The following GRID2 variants were observed in gnomAD, a reference collection of about 807,000 sequenced individuals.
The protein encoded by GRID2 is glutamate receptor ionotropic, delta-2.
GRID2 carries 33 observed loss-of-function variants against 114.8 expected under a neutral mutation model. The observed-to-expected ratio is 0.29, with a 90% confidence interval of 0.22 to 0.38. GRID2 has a LOEUF of 0.38. Among genes scored for constraint, GRID2 ranks in the 10% least tolerant of loss-of-function variants. The pLI, the probability that GRID2 is intolerant of heterozygous loss-of-function variation, is 1.00. For synonymous variants in GRID2, 505 were observed against 449.9 expected, an observed-to-expected ratio of 1.12 and a Z score of -1.55; for missense variants, 1,184 against 1,257.7, an observed-to-expected ratio of 0.94 and a Z score of 0.89.
intron 2 of GRID2, among the ~76,000 whole-genome samples, chr4:92,700,534 GTTAAT>G (rs1258322384): frequency 6.6e-6 from 1 of 152,028 alleles, no homozygotes; most frequent in African/African-American, 2.4e-5. Context: ...TAGTTTTTCC[GTTAAT>G]TTATTTCCAC....
chr4:93,786,792 G>C (rs1345173379), intron 1 of GRID2, among the ~76,000 whole-genome samples: 14 of 152,206 alleles, frequency 9.2e-5, no homozygotes, highest in Non-Finnish European at 1.9e-4. Context: ...ATTTTGGCCT[G>C]ATCTGTACAG....
chr4:93,526,829 A>G (rs925163992), intron 13 of GRID2, among the ~76,000 whole-genome samples: 2 of 152,200 alleles, frequency 1.3e-5, no homozygotes, highest in African/African-American at 2.4e-5. Context: ...AAATAAATAT[A>G]AAAATAAAAT....
intron 2 of GRID2, among the ~76,000 whole-genome samples, chr4:92,724,654 T>C (rs1257209042): frequency 6.6e-6 from 1 of 152,158 alleles, no homozygotes; most frequent in East Asian, 1.9e-4. Flanking sequence ...TCTACCACTA[T>C]TAACTGTAAC....
At chr4:92,409,249 TAAC>T (rs2110296951) in intron 1 of GRID2, among the ~76,000 whole-genome samples, 1 of 152,256 alleles carries the variant, frequency 6.6e-6, no homozygotes, top group South Asian at 2.1e-4. Context: ...AAGTGTGTCA[TAAC>T]AACAGAGGCA....
At chr4:93,419,205 C>T (rs2149363161) in intron 9 of GRID2, among the ~76,000 whole-genome samples, 1 of 151,336 alleles carries the variant, frequency 6.6e-6, no homozygotes, top group East Asian at 1.9e-4. Flanking sequence ...ACATGCCCCA[C>T]TAATAGGGTA....
chr4:93,428,904 C>T (rs570622085), intron 10 of GRID2, among the ~76,000 whole-genome samples: 2 of 152,104 alleles, frequency 1.3e-5, no homozygotes, highest in African/African-American at 4.8e-5. Context: ...ATCACAAAGG[C>T]GCTAGAAGGA....
chr4:92,731,091 G>A (rs1426777967), intron 2 of GRID2, among the ~76,000 whole-genome samples: 1 of 151,826 alleles, frequency 6.6e-6, no homozygotes, highest in Non-Finnish European at 1.5e-5. Context: ...GCTTTACTCT[G>A]AGAAAAAGTT....
intron 14 of GRID2, among the ~76,000 whole-genome samples, chr4:93,673,733 CTAATCTTT>C (rs1724619555): frequency 6.6e-6 from 1 of 152,150 alleles, no homozygotes; most frequent in Non-Finnish European, 1.5e-5. Context: ...CTTAGACATT[CTAATCTTT>C]TATTAAGCAC....
rs192753658 is a variant in GRID2, at chr4:92,881,345, C to T, written c.245-203650C>T. Among the ~76,000 whole-genome samples the T allele has an allele frequency of 7.1e-4, 108 of 152,262 alleles. 5 individuals are homozygous for T. In the East Asian group the frequency reaches 0.016, roughly 23 times the overall value. ...TTTTCTTTCATGATGCCATCTTCAC[C>T]TCTTGATTTTACATATATAACATTT... On this transcript the variant is annotated intron_variant, in intron 2 of 15. Coordinates refer to ENST00000282020, the MANE Select transcript of GRID2 (RefSeq NM_001510.4).
chr4:93,727,629 G>T (rs1730057501), intron 14 of GRID2, among the ~76,000 whole-genome samples: 2 of 152,068 alleles, frequency 1.3e-5, no homozygotes, highest in South Asian at 2.1e-4. Flanking sequence ...ACTTTTTTTG[G>T]TTGGAAAGCT....
intron 2 of GRID2, among the ~76,000 whole-genome samples, chr4:92,767,134 C>G (rs1477985478): frequency 6.6e-6 from 1 of 152,186 alleles, no homozygotes; most frequent in Non-Finnish European, 1.5e-5. Context: ...CTCCACTGCT[C>G]TCAGATACTT....
chr4:93,218,631 G>GTTC lies in GRID2; in HGVS notation c.963+1720_963+1721insTTC, dbSNP rs1744513750. Among the ~76,000 whole-genome samples the GTTC allele has an allele frequency of 3.9e-5, 6 of 152,240 alleles. No individual in the cohort carries two copies. In the South Asian group the frequency reaches 1.2e-3, roughly 32 times the overall value. ...TGGATCTGTGTGAATATATATGTTT[G>GTTC]AATGTAATTAAGGAGAAGGCAATAG... On this transcript the variant is annotated intron_variant, in intron 6 of 15. Coordinates refer to ENST00000282020, the MANE Select transcript of GRID2 (RefSeq NM_001510.4).
rs1478947354 is a variant in GRID2, at chr4:92,304,230, G to A, written c.-427G>A. On this transcript the variant is annotated 5_prime_UTR_variant, in exon 1 of 16. Transcript: ENST00000282020. Reference sequence around the variant, plus strand: ...GGGGCGGGGGTCTTTTTTGGTCCGAGAGGGTGCGGGGAAGGGGGCACATCC... The same window carrying A: ...GGGGCGGGGGTCTTTTTTGGTCCGAAAGGGTGCGGGGAAGGGGGCACATCC... The A allele has an allele frequency of 1.0e-5, 2 of 193,818 alleles. No homozygotes were observed. Among genetic ancestry groups the A allele is most frequent in the African/African-American group, 4.8e-5 (2 of 41,804 alleles). 12.0% of individuals were successfully genotyped at this position (193,818 alleles called of 1,614,324 possible). A position where few individuals can be genotyped will look rare whatever the true frequency, so the allele number is the denominator to read the frequency against.
chr4:93,323,762 C>T lies in GRID2; in HGVS notation c.1246-71845C>T, dbSNP rs1757510274. On this transcript the variant is annotated intron_variant, in intron 8 of 15. Transcript: ENST00000282020. ...TAGTTCTCCTTGAAGAGGTCCTTCA[C>T]AACCCTTATAAGTTGGATTCCTAGG... Among the ~76,000 whole-genome samples the T allele has an allele frequency of 3.3e-5, 5 of 152,108 alleles. No homozygotes were observed. The South Asian group carries it at 8.3e-4, about 25-fold the overall frequency.
chr4:93,554,426 C>A (rs1475332856), intron 13 of GRID2, among the ~76,000 whole-genome samples: 1 of 136,928 alleles, frequency 7.3e-6, no homozygotes, highest in Non-Finnish European at 1.6e-5. Context: ...TTTTTCTGCA[C>A]ATAAATTTTT....
At chr4:93,289,899 T>A (rs1489459010) in intron 8 of GRID2, among the ~76,000 whole-genome samples, 3 of 152,128 alleles carry the variant, frequency 2.0e-5, no homozygotes. Context: ...GGAAAAAAAT[T>A]GGAGTAAAGA....
intron 8 of GRID2, among the ~76,000 whole-genome samples, chr4:93,380,525 A>C (rs752544397): frequency 6.6e-6 from 1 of 151,556 alleles, no homozygotes; most frequent in Non-Finnish European, 1.5e-5. Flanking sequence ...TTCAATTAGG[A>C]AAATTGAAAT....
At chr4:93,730,837 A>G (rs1445211650) in intron 14 of GRID2, among the ~76,000 whole-genome samples, 1 of 152,212 alleles carries the variant, frequency 6.6e-6, no homozygotes, top group African/African-American at 2.4e-5. Flanking sequence ...GGCTCCAAAC[A>G]AAGAGAGCTC....
At chr4:92,949,162 G>A (rs1246929891) in intron 2 of GRID2, among the ~76,000 whole-genome samples, 1 of 151,630 alleles carries the variant, frequency 6.6e-6, no homozygotes, top group African/African-American at 2.4e-5. Flanking sequence ...CTGTGTGTGT[G>A]TGTGAGAGAG....
Sources: gnomAD v4.1 joint callset for allele counts (sites outside exome capture counted in the v4.1 genomes callset) on GRCh38, gnomAD v4.1.1 for gene constraint, MANE v1.5 for transcripts, NCBI Gene and HGNC (gene_info 2026-07-23, HGNC 2026-07-21) for gene names.